CBARP: variants seen among roughly 807,000 people sequenced by gnomAD.
CBARP encodes voltage-dependent calcium channel beta subunit-associated regulatory protein.
In CBARP, 24 loss-of-function variants were observed where a neutral mutation model predicts 36.3. That is an observed-to-expected ratio of 0.66 (90% CI 0.48 to 0.93). The LOEUF (loss-of-function observed/expected upper bound fraction) is 0.93. CBARP is among the 40% of genes least tolerant of loss of function. The probability of loss-of-function intolerance (pLI) is 0.00; values close to 1 mark genes in which losing one functional copy is unlikely to be tolerated. For synonymous variants in CBARP, 586 were observed against 453.2 expected (o/e 1.29, Z -3.72); for missense variants, 1,146 against 980.4 (o/e 1.17, Z -2.26).
chr19:1,229,581 G>C lies in CBARP; in HGVS notation c.1716C>G (p.Arg572=). Reference sequence around the variant, plus strand: ...ACTGTTTGCGGGCGTGCGGGTGCGCGCGGGCGCGGTGTCGCGCGGCAGCCG... The same window carrying C: ...ACTGTTTGCGGGCGTGCGGGTGCGCCCGGGCGCGGTGTCGCGCGGCAGCCG... ...DTPAAARHRA[R]AHPHARKQWQ... is the part of the protein sequence containing the mutation. The change falls in exon 10 of 10, where the codon CGC becomes CGG. Residue 572 remains arginine, a synonymous_variant. Coordinates refer to ENST00000650044, the MANE Select transcript of CBARP (RefSeq NM_001393918.1). This position sits in a 1 kb window ranked among gnomAD's most constrained non-coding sequence, Gnocchi z 5.1. 7.7e-6 allele frequency: 9 copies of C among 1,165,580 alleles called. No homozygotes were observed. The highest frequency in any genetic ancestry group is 9.7e-6 in the Non-Finnish European group (9 of 930,878). The allele number at this position is 1,165,580 out of a possible 1,614,324, so 72.2% of individuals were successfully genotyped here. A position where few individuals can be genotyped will look rare whatever the true frequency, so the allele number is the denominator to read the frequency against.
intron 7 of CBARP, 50 bp from the exon 8 acceptor site, chr19:1,233,686 G>C (rs374122845): frequency 6.5e-7 from 1 of 1,529,962 alleles, no homozygotes; most frequent in Non-Finnish European, 8.9e-7. Context: ...TCCTGGGCCC[G>C]TGTGCTGGCC....
rs2080858772 is a variant in CBARP at position 1,229,322 on chromosome 19, C to T, written c.1975G>A (p.Val659Ile). ...GGGCPGSGLC[V>I]LPSGSVLDKL... ...TCCAGCACCGACCCGGATGGTAGGACGCACAGGCCCGAGCCGGGGCACCCC... is the reference window on the plus strand; with the variant it reads ...TCCAGCACCGACCCGGATGGTAGGATGCACAGGCCCGAGCCGGGGCACCCC... Residue 659 changes from valine to isoleucine, a missense_variant, in exon 10 of 10, where the codon GTC (valine) becomes ATC (isoleucine). By Grantham distance (29) the Val-to-Ile change is conservative. Coordinates refer to ENST00000650044, the MANE Select transcript of CBARP (RefSeq NM_001393918.1). This position sits in a 1 kb window ranked among gnomAD's most constrained non-coding sequence, Gnocchi z 5.1. The T allele has an allele frequency of 3.2e-6, 4 of 1,243,938 alleles. No individual in the cohort carries two copies. The highest frequency in any genetic ancestry group is 1.6e-5 in the African/African-American group (1 of 61,626). 77.1% of individuals were successfully genotyped at this position (1,243,938 alleles called of 1,614,324 possible).
At chr19:1,234,972 G>C (rs774787733) in intron 5 of CBARP, 29 bp downstream of exon 5, 1 of 1,588,372 alleles carries the variant, frequency 6.3e-7, no homozygotes, top group Non-Finnish European at 8.6e-7. Flanking sequence ...GACAGGCCCT[G>C]GGGTGCCTCC....
In CBARP at chr19:1,235,452, AG is replaced by A. The variant is rs1403622913; in HGVS notation, c.310+48del. ...AGCCCGAGGGGGCGGCGGGTGGCCG[AG>A]GGGCGGATGGACAGGCGAGCGCACA... is the stretch of plus-strand genomic sequence containing the variant. On this transcript the variant is annotated intron_variant, in intron 4 of 9. Transcript: ENST00000650044. 2.0e-6 allele frequency: 3 copies of A among 1,516,696 alleles called. No individual in the cohort carries two copies. The African/African-American group carries it at 4.2e-5, about 21-fold the overall frequency. The allele number at this position is 1,516,696 out of a possible 1,614,324, so 94.0% of individuals were successfully genotyped here. A position where few individuals can be genotyped will look rare whatever the true frequency, so the allele number is the denominator to read the frequency against.
intron 4 of CBARP, 58 bp downstream of exon 4, chr19:1,235,443 G>A (rs1484792785): frequency 6.0e-6 from 9 of 1,493,748 alleles, no homozygotes; most frequent in African/African-American, 1.4e-5. Flanking sequence ...AGGGGGCGGC[G>A]GGTGGCCGAG....
chr19:1,236,173 AG>A, intron 1 of CBARP, 52 bp from the exon 2 acceptor site: 4 of 1,366,748 alleles, frequency 2.9e-6, no homozygotes, highest in Non-Finnish European at 3.8e-6. Flanking sequence ...CTCCTGCAGG[AG>A]CCACTGCAGA....
In CBARP at chr19:1,235,135, G is replaced by A; in HGVS notation, c.321C>T (p.Phe107=). The change falls in exon 5 of 10, where the codon TTC becomes TTT. Residue 107 remains phenylalanine (F), a synonymous_variant. Coordinates refer to ENST00000650044, the MANE Select transcript of CBARP (RefSeq NM_001393918.1). Reference sequence around the variant, plus strand: ...CCTGGCACTCGGGGTCCTCTCCCCGGAAGTCGGGGTCTGCGTGGAGAGGCA... The same window carrying A: ...CCTGGCACTCGGGGTCCTCTCCCCGAAAGTCGGGGTCTGCGTGGAGAGGCA... ...NGTHPAQDPD[F]RGEDPECQDA... 4 of 1,587,712 alleles carry A rather than the reference G, an allele frequency of 2.5e-6. No individual in the cohort carries two copies. Among genetic ancestry groups the A allele is most frequent in the Non-Finnish European group, 3.4e-6 (4 of 1,167,640 alleles).
intron 3 of CBARP, 70 bp downstream of exon 3, chr19:1,235,709 T>C (rs773790975): frequency 1.9e-6 from 3 of 1,602,834 alleles, no homozygotes; most frequent in Non-Finnish European, 2.5e-6. Flanking sequence ...GCCAGTGAGG[T>C]AGACCCCCCA....
rs2080861973 is a variant in CBARP, at chr19:1,229,512, G to C, written c.1785C>G (p.Ala595=). 3.1e-6 allele frequency: 3 copies of C among 979,386 alleles called. No individual in the cohort carries two copies. Among genetic ancestry groups the C allele is most frequent in the East Asian group, 2.3e-4 (2 of 8,670 alleles). The allele number at this position is 979,386 out of a possible 1,614,324, so 60.7% of individuals were successfully genotyped here. A position where few individuals can be genotyped will look rare whatever the true frequency, so the allele number is the denominator to read the frequency against. Residue 595 remains alanine (A), a synonymous_variant, in exon 10 of 10, where the codon GCC becomes GCG. Coordinates refer to ENST00000650044, the MANE Select transcript of CBARP (RefSeq NM_001393918.1). The surrounding 1 kb of genome is among the most constrained non-coding windows in gnomAD (Gnocchi z 5.1). ...GTGCCGGGGTTCCGGCCAGGGCCGGGGCCGCGCGGGCGCCGGGGTCGCTGT... is the reference window on the plus strand; with the variant it reads ...GTGCCGGGGTTCCGGCCAGGGCCGGCGCCGCGCGGGCGCCGGGGTCGCTGT... ...RQHSDPGARA[A]PALAGTPAPP...
At chr19:1,234,490 G>T in intron 6 of CBARP, 81 bp downstream of exon 6, 1 of 1,461,820 alleles carries the variant, frequency 6.8e-7, no homozygotes, top group Non-Finnish European at 9.1e-7. Flanking sequence ...GAAAAAGAGT[G>T]GGTGAGGGCG....
At chr19:1,232,336 C>A (rs1206799898) in intron 8 of CBARP, among the ~76,000 whole-genome samples, 1 of 152,132 alleles carries the variant, frequency 6.6e-6, no homozygotes, top group Admixed American at 6.5e-5. Context: ...TCACCCCACC[C>A]CCGCTGGCTG....
chr19:1,232,971 A>AGCTGATGGTCT (rs1281046900), intron 8 of CBARP, among the ~76,000 whole-genome samples: 3 of 152,252 alleles, frequency 2.0e-5, no homozygotes, highest in Non-Finnish European at 4.4e-5. Context: ...GTCACACAGC[A>AGCTGATGGTCT]GCTGATGGTC....
Position 1,233,694 on chromosome 19 carries a change from G to T in CBARP, c.769-58C>A, listed in dbSNP as rs1184498167. On this transcript the variant is annotated intron_variant, in intron 7 of 9. Transcript: ENST00000650044. The stretch of plus-strand genomic sequence containing the variant: ...GACTTCTTCCTGGGCCCGTGTGCTG[G>T]CCCCAGGTGGCCGTAGGTCTGAGAG... The T allele has an allele frequency of 1.8e-5, 27 of 1,484,874 alleles. No individual in the cohort carries two copies. The East Asian group carries it at 5.9e-4, about 33-fold the overall frequency. 92.0% of individuals were successfully genotyped at this position (1,484,874 alleles called of 1,614,324 possible). A position where few individuals can be genotyped will look rare whatever the true frequency, so the allele number is the denominator to read the frequency against.
At position 1,230,118 on chromosome 19, in the gene CBARP, T is replaced by C; in HGVS notation, c.1179A>G (p.Gly393=). Residue 393 remains glycine, a synonymous_variant, in exon 10 of 10, where the codon GGA becomes GGG. Transcript: ENST00000650044. ...LGRLEAAEAA[G]GASPDSPPER... ...CCGGGGGGGAATCGGGGCTCGCTCC[T>C]CCCGCTGCCTCGGCCGCCTCTAGCC... is the stretch of plus-strand genomic sequence containing the variant. The C allele has an allele frequency of 1.9e-6, 2 of 1,049,680 alleles. No homozygotes were observed. Among genetic ancestry groups the C allele is most frequent in the Non-Finnish European group, 2.3e-6 (2 of 867,250 alleles). 65.0% of individuals were successfully genotyped at this position (1,049,680 alleles called of 1,614,324 possible).
chr19:1,236,965 G>C (rs1199452057), intron 1 of CBARP, among the ~76,000 whole-genome samples: 2 of 151,972 alleles, frequency 1.3e-5, no homozygotes, highest in Non-Finnish European at 2.9e-5. Flanking sequence ...CTTACGCTCG[G>C]GGGAAACTGA....
In CBARP at chr19:1,229,487, G is replaced by C; in HGVS notation, c.1810C>G (p.Pro604Ala). 1.0e-6 allele frequency: 1 copy of C among 979,082 alleles called. No individual in the cohort carries two copies. Among genetic ancestry groups the C allele is most frequent in the Non-Finnish European group, 1.2e-6 (1 of 827,670 alleles). 60.6% of individuals were successfully genotyped at this position (979,082 alleles called of 1,614,324 possible). The change falls in exon 10 of 10, where the codon CCG (proline) becomes GCG (alanine). Residue 604 changes from proline to alanine, a missense_variant. Transcript: ENST00000650044. The surrounding 1 kb of genome is among the most constrained non-coding windows in gnomAD (Gnocchi z 5.1). ...GCGGGTCGGGCCGCGCCGGCAGGCG[G>C]TGCCGGGGTTCCGGCCAGGGCCGGG... ...AAPALAGTPA[P>A]PAGAARPARA...
chr19:1,238,078 C>A (rs1229601422), upstream of CBARP: 2 of 148,778 alleles, frequency 1.3e-5, no homozygotes, highest in African/African-American at 2.4e-5. Context: ...CGCTCCCGGG[C>A]GCCCACTCCG....
At chr19:1,234,815 C>T (rs1249682653) in intron 5 of CBARP, 73 bp from the exon 6 acceptor site, 1 of 1,552,288 alleles carries the variant, frequency 6.4e-7, no homozygotes, top group Non-Finnish European at 8.7e-7. Flanking sequence ...GCTCTGCCAT[C>T]CACCCTGCCG....
intron 4 of CBARP, 130 bp from the exon 5 acceptor site, chr19:1,235,275 G>C: frequency 8.7e-7 from 1 of 1,155,588 alleles, no homozygotes; most frequent in Non-Finnish European, 1.1e-6. Flanking sequence ...CGGGCTGGCG[G>C]GGCGAGGGAC....
Sources: allele counts gnomAD v4.1 joint callset (sites outside exome capture counted in the v4.1 genomes callset), GRCh38; gene constraint gnomAD v4.1.1; non-coding constraint Gnocchi (gnomAD v3.1); transcripts MANE v1.5; gene names NCBI Gene and HGNC (gene_info 2026-07-23, HGNC 2026-07-21).